The following VPS18 variants were observed in gnomAD, a reference collection of about 807,000 sequenced individuals.
The protein encoded by VPS18 is vacuolar protein sorting-associated protein 18 homolog.
A neutral mutation model predicts 82.0 loss-of-function variants in VPS18; 25 were observed. That is an observed-to-expected ratio of 0.30 (90% CI 0.22 to 0.43). VPS18 has a LOEUF of 0.43. Among genes scored for constraint, VPS18 ranks in the 20% least tolerant of loss-of-function variants. The pLI is 1.00. For synonymous variants in VPS18, 523 were observed against 543.0 expected (o/e 0.96, Z 0.51); for missense variants, 1,168 against 1,311.1 (o/e 0.89, Z 1.69).
At position 40,903,299 on chromosome 15, in the gene VPS18, C is replaced by T. The variant is rs1272404020; in HGVS notation, c.2880C>T (p.Ile960=). The change falls in exon 5 of 5, where the codon ATC becomes ATT. Residue 960 remains isoleucine (I), a synonymous_variant. Transcript: ENST00000220509. The part of the protein sequence containing the change: ...LMIRSIDRPF[I]DPQRYEEEQL... Reference sequence around the variant, plus strand: ...TCCGCTCTATCGACCGGCCGTTCATCGACCCCCAGCGCTACGAGGAGGAGC... The same window carrying T: ...TCCGCTCTATCGACCGGCCGTTCATTGACCCCCAGCGCTACGAGGAGGAGC... The T allele has an allele frequency of 8.3e-6, 13 of 1,557,788 alleles. No individual in the cohort carries two copies. Among genetic ancestry groups the T allele is most frequent in the Admixed American group, 1.9e-5 (1 of 51,596 alleles).
chr15:40,902,640 T>A lies in VPS18; in HGVS notation c.2221T>A (p.Cys741Ser). 1 of 1,613,344 alleles carries A rather than the reference T, an allele frequency of 6.2e-7. No homozygotes were observed. Among genetic ancestry groups the A allele is most frequent in the South Asian group, 1.1e-5 (1 of 91,060 alleles). The change falls in exon 5 of 5, where the codon TGT becomes AGT. Residue 741 changes from cysteine (C) to serine (S), a missense_variant. Around this residue, in one of 3 missense-constraint regions of VPS18, gnomAD observed 296 missense variants for 354.0 expected, o/e 0.84. Coordinates refer to ENST00000220509, the MANE Select transcript of VPS18 (RefSeq NM_020857.3). The surrounding 1 kb of genome is among the most constrained non-coding windows in gnomAD (Gnocchi z 4.2). ...LQVDVDLAKQ[C>S]ADLPEEDEEL... ...GGTGGATGTGGACCTGGCCAAGCAG[T>A]GTGCAGACCTGCCTGAGGAGGATGA...
At position 40,902,492 on chromosome 15, in the gene VPS18, C is replaced by T; in HGVS notation, c.2197-124C>T. The T allele has an allele frequency of 7.6e-7, 1 of 1,315,958 alleles. No homozygotes were observed. The highest frequency in any genetic ancestry group is 1.0e-6 in the Non-Finnish European group (1 of 983,962). The allele number at this position is 1,315,958 out of a possible 1,614,324, so 81.5% of individuals were successfully genotyped here. Reference sequence around the variant, plus strand: ...TTTACATAGCTGTGGCAGCGGCAGGCCCCCTTGCTTCCAGGAGTGCTGGGA... The same window carrying T: ...TTTACATAGCTGTGGCAGCGGCAGGTCCCCTTGCTTCCAGGAGTGCTGGGA... On this transcript the variant is annotated intron_variant, in intron 4 of 4. Transcript: ENST00000220509. The surrounding 1 kb of genome is among the most constrained non-coding windows in gnomAD (Gnocchi z 4.2).
At position 40,902,810 on chromosome 15, in the gene VPS18, C is replaced by T. The variant is rs779774485; in HGVS notation, c.2391C>T (p.Thr797=). 1 of 1,614,260 alleles carries T rather than the reference C, an allele frequency of 6.2e-7. No homozygotes were observed. The highest frequency in any genetic ancestry group is 2.2e-5 in the East Asian group (1 of 44,890). The change falls in exon 5 of 5, where the codon ACC becomes ACT. Residue 797 remains threonine (T), a synonymous_variant. Transcript: ENST00000220509. This position sits in a 1 kb window ranked among gnomAD's most constrained non-coding sequence, Gnocchi z 4.2. ...TGCCCTTCTTTCCTGATTTCGTCAC[C>T]ATCGACCACTTCAAGGAGGCGATCT... ...DVLPFFPDFV[T]IDHFKEAICS...
In VPS18 at chr15:40,899,174, C is replaced by A; in HGVS notation, c.356C>A (p.Thr119Lys). ...CACCTGCTGATTGCCCTGAGCAGCACGGAGGTCCTCTACGTGAACCGAAAT... is the reference window on the plus strand; with the variant it reads ...CACCTGCTGATTGCCCTGAGCAGCAAGGAGGTCCTCTACGTGAACCGAAAT... ...GSHLLIALSS[T>K]EVLYVNRNGQ... is the part of the protein sequence containing the mutation. Residue 119 changes from threonine (T) to lysine (K), a missense_variant, in exon 4 of 5, where the codon ACG becomes AAG. Physicochemically the swap from Thr to Lys is moderately conservative, Grantham distance 78. Transcript: ENST00000220509. The surrounding 1 kb of genome is among the most constrained non-coding windows in gnomAD (Gnocchi z 4.4). The A allele has an allele frequency of 5.0e-6, 8 of 1,614,032 alleles. No individual in the cohort carries two copies. Among genetic ancestry groups the A allele is most frequent in the Middle Eastern group, 1.6e-4 (1 of 6,062 alleles).
chr15:40,903,656 TC>T lies in VPS18; in HGVS notation c.*319del. On this transcript the variant is annotated 3_prime_UTR_variant, in exon 5 of 5. Coordinates refer to ENST00000220509, the MANE Select transcript of VPS18 (RefSeq NM_020857.3). Reference sequence around the variant, plus strand: ...CTAGCACCTCTTCTGTCCCTGTCATTCCCCACACACGTCCTGTTCACCTCGA... The same window carrying T: ...CTAGCACCTCTTCTGTCCCTGTCATTCCCACACACGTCCTGTTCACCTCGA... 3.9e-6 allele frequency: 1 copy of T among 256,080 alleles called. No homozygotes were observed. The allele number at this position is 256,080 out of a possible 1,614,324, so 15.9% of individuals were successfully genotyped here. A position where few individuals can be genotyped will look rare whatever the true frequency, so the allele number is the denominator to read the frequency against.
chr15:40,898,669 C>T (rs912459941), intron 2 of VPS18: 17 of 549,300 alleles, frequency 3.1e-5, no homozygotes, highest in African/African-American at 1.9e-4. Context: ...GATGGGATTT[C>T]GCCATGTTGC....
rs1415807100 is a variant in VPS18 at position 40,894,548 on chromosome 15, C to A, written c.-221C>A. 4.2e-6 allele frequency: 2 copies of A among 479,766 alleles called. No homozygotes were observed. Among genetic ancestry groups the A allele is most frequent in the East Asian group, 7.0e-5 (2 of 28,472 alleles). The allele number at this position is 479,766 out of a possible 1,614,324, so 29.7% of individuals were successfully genotyped here. A position where few individuals can be genotyped will look rare whatever the true frequency, so the allele number is the denominator to read the frequency against. ...CGGGGGCGGGGAGTAAGGTGCAAGA[C>A]TGCGCCAGATTCAAGGACGAGGGCT... On this transcript the variant is annotated 5_prime_UTR_variant, in exon 1 of 5. The change creates a new upstream start codon in the 5' untranslated region. Coordinates refer to ENST00000220509, the MANE Select transcript of VPS18 (RefSeq NM_020857.3).
At chr15:40,895,768 T>C (rs914467109) in intron 1 of VPS18, among the ~76,000 whole-genome samples, 170 bp from the exon 2 acceptor site, 7 of 152,178 alleles carry the variant, frequency 4.6e-5, no homozygotes, top group Admixed American at 3.3e-4. Flanking sequence ...AGACCTCTAT[T>C]GTAAAGGTGA....
Position 40,903,673 on chromosome 15 carries a change from T to G in VPS18, c.*332T>G. On this transcript the variant is annotated 3_prime_UTR_variant, in exon 5 of 5. Transcript: ENST00000220509. ...CCTGTCATTCCCCACACACGTCCTG[T>G]TCACCTCGAGAGAGAGAGAGAGAGA... 1 of 225,676 alleles carries G rather than the reference T, an allele frequency of 4.4e-6. No homozygotes were observed. The allele number at this position is 225,676 out of a possible 1,614,324, so 14.0% of individuals were successfully genotyped here.
Position 40,898,799 on chromosome 15 carries a change from A to G in VPS18, c.234-108A>G, listed in dbSNP as rs1034556823. The stretch of plus-strand genomic sequence containing the variant: ...TATTCAGCATTTTATGCATAGATGT[A>G]TATTTCAGGGAAGTAAGTCTATGGC... On this transcript the variant is annotated intron_variant, in intron 2 of 4. Transcript: ENST00000220509. The G allele has an allele frequency of 7.1e-5, 83 of 1,167,724 alleles. 1 individual carries two copies. The highest frequency in any genetic ancestry group is 9.2e-5 in the Non-Finnish European group (74 of 808,374). 72.3% of individuals were successfully genotyped at this position (1,167,724 alleles called of 1,614,324 possible).
Position 40,900,724 on chromosome 15 carries a change from G to T in VPS18, c.1906G>T (p.Gly636Cys), listed in dbSNP as rs373439770. Residue 636 changes from glycine to cysteine, a missense_variant, in exon 4 of 5, where the codon GGT becomes TGT. Physicochemically the swap from Gly to Cys is radical, Grantham distance 159. This residue lies in a region of VPS18 where 868 missense variants were observed against 939.8 expected (regional missense o/e 0.92). Transcript: ENST00000220509. This position sits in a 1 kb window ranked among gnomAD's most constrained non-coding sequence, Gnocchi z 5.4. ...TCCTGCCCTGGTGAACTACAGCCAG[G>T]GTGGTGAGGTCCAGCAGGTGAGCCA... The part of the protein sequence containing the change: ...LIPALVNYSQ[G>C]GEVQQVSQAI... 1.9e-6 allele frequency: 3 copies of T among 1,614,206 alleles called. No homozygotes were observed. Among genetic ancestry groups the T allele is most frequent in the Admixed American group, 1.7e-5 (1 of 60,032 alleles).
rs376218606 is a variant in VPS18, at chr15:40,899,952, G to A, written c.1134G>A (p.Leu378=). ...HMVKDSSTGQ[L]WAYTERAVFR... ...TGAAGGACTCCTCCACAGGCCAGCT[G>A]TGGGCCTACACTGAGCGGGCTGTCT... Residue 378 remains leucine, a synonymous_variant, in exon 4 of 5, where the codon CTG becomes CTA. Transcript: ENST00000220509. This position sits in a 1 kb window ranked among gnomAD's most constrained non-coding sequence, Gnocchi z 4.4. The A allele has an allele frequency of 5.6e-6, 9 of 1,613,742 alleles. No individual in the cohort carries two copies. Among genetic ancestry groups the A allele is most frequent in the African/African-American group, 5.3e-5 (4 of 74,954 alleles).
chr15:40,900,909 C>T lies in VPS18; in HGVS notation c.2091C>T (p.Leu697=), dbSNP rs1360114661. The T allele has an allele frequency of 6.2e-7, 1 of 1,613,956 alleles. No individual in the cohort carries two copies. The highest frequency in any genetic ancestry group is 1.1e-5 in the South Asian group (1 of 91,082). ...GCCCCCACCGGGTGCATTACGACCT[C>T]AAGTATGCGCTGCGGCTCTGCGCCG... The part of the protein sequence containing the change: ...GASPHRVHYD[L]KYALRLCAEH... The change falls in exon 4 of 5, where the codon CTC becomes CTT. Residue 697 remains leucine (L), a synonymous_variant. Transcript: ENST00000220509. This position sits in a 1 kb window ranked among gnomAD's most constrained non-coding sequence, Gnocchi z 5.4.
At chr15:40,898,862 A>C (rs1361162341) in intron 2 of VPS18, 45 bp from the exon 3 acceptor site, 9 of 1,562,820 alleles carry the variant, frequency 5.8e-6, no homozygotes, top group Non-Finnish European at 7.9e-6. Context: ...GATCCAAAAA[A>C]GGATCTTCCC....
Position 40,899,883 on chromosome 15 carries a change from G to A in VPS18, c.1065G>A (p.Leu355=), listed in dbSNP as rs370590239. 1.8e-5 allele frequency: 29 copies of A among 1,609,494 alleles called. No homozygotes were observed. In the African/African-American group the frequency reaches 3.5e-4, roughly 19 times the overall value. ...AVCTLTGQVV[L]RDHFLEKFGP... ...GCACACTGACCGGGCAGGTGGTGCTGCGGGATCACTTCCTGGAGAAATTTG... is the reference window on the plus strand; with the variant it reads ...GCACACTGACCGGGCAGGTGGTGCTACGGGATCACTTCCTGGAGAAATTTG... Residue 355 remains leucine (L), a synonymous_variant, in exon 4 of 5, where the codon CTG becomes CTA. Transcript: ENST00000220509. The surrounding 1 kb of genome is among the most constrained non-coding windows in gnomAD (Gnocchi z 4.4).
chr15:40,894,899 C>G, intron 1 of VPS18, 40 bp downstream of exon 1: 1 of 1,528,116 alleles, frequency 6.5e-7, no homozygotes, highest in Non-Finnish European at 8.8e-7. Flanking sequence ...TTCGGCTCTC[C>G]TAGCATTTGC....
chr15:40,902,491 G>T lies in VPS18; in HGVS notation c.2197-125G>T. ...TTTTACATAGCTGTGGCAGCGGCAG[G>T]CCCCCTTGCTTCCAGGAGTGCTGGG... On this transcript the variant is annotated intron_variant, in intron 4 of 4. Transcript: ENST00000220509. The surrounding 1 kb of genome is among the most constrained non-coding windows in gnomAD (Gnocchi z 4.2). The T allele has an allele frequency of 1.5e-6, 2 of 1,313,028 alleles. No individual in the cohort carries two copies. Among genetic ancestry groups the T allele is most frequent in the Non-Finnish European group, 2.0e-6 (2 of 980,424 alleles). The allele number at this position is 1,313,028 out of a possible 1,614,324, so 81.3% of individuals were successfully genotyped here.
chr15:40,900,970 A>G lies in VPS18; in HGVS notation c.2152A>G (p.Lys718Glu), dbSNP rs1892347602. ...CCACCGCGCTTGTGTCCATGTCTAC[A>G]AGGTCCTAGAGCTGTATGAGGAGGC... Reference protein sequence around the residue: ...GHHRACVHVYKVLELYEEAVD... With the variant: ...GHHRACVHVYEVLELYEEAVD... Residue 718 changes from lysine (K) to glutamate (E), a missense_variant, in exon 4 of 5, where the codon AAG becomes GAG. Physicochemically the swap from Lys to Glu is moderately conservative, Grantham distance 56 (BLOSUM62 1). Transcript: ENST00000220509. This position sits in a 1 kb window ranked among gnomAD's most constrained non-coding sequence, Gnocchi z 5.4. 1 of 1,610,432 alleles carries G rather than the reference A, an allele frequency of 6.2e-7. No homozygotes were observed. The highest frequency in any genetic ancestry group is 1.3e-5 in the African/African-American group (1 of 74,920).
chr15:40,894,711 G>A lies in VPS18; in HGVS notation c.-58G>A. ...CATTCTGGGGCGACGGGGACCCCGG[G>A]GGGGTAGCCCTTTTGTAATCCCCAG... On this transcript the variant is annotated 5_prime_UTR_variant, in exon 1 of 5. Coordinates refer to ENST00000220509, the MANE Select transcript of VPS18 (RefSeq NM_020857.3). The A allele has an allele frequency of 6.7e-7, 1 of 1,483,498 alleles. No homozygotes were observed. Among genetic ancestry groups the A allele is most frequent in the South Asian group, 1.3e-5 (1 of 78,532 alleles). The allele number at this position is 1,483,498 out of a possible 1,614,324, so 91.9% of individuals were successfully genotyped here.
Sources: allele counts gnomAD v4.1 joint callset (sites outside exome capture counted in the v4.1 genomes callset), GRCh38; gene constraint gnomAD v4.1.1; regional missense constraint gnomAD v4.1.1; non-coding constraint Gnocchi (gnomAD v3.1); transcripts MANE v1.5; gene names NCBI Gene and HGNC (gene_info 2026-07-23, HGNC 2026-07-21).